COQ8A: variants seen among roughly 807,000 people sequenced by gnomAD.
COQ8A encodes the protein coenzyme Q8A.
A neutral mutation model predicts 65.0 loss-of-function variants in COQ8A; 51 were observed. The observed-to-expected ratio is 0.78, with a 90% CI of 0.63 to 0.99. COQ8A has a LOEUF of 0.99. Ranked by LOEUF, COQ8A falls within the 50% of genes least tolerant of loss-of-function variation. The pLI is 0.00. For missense variants in COQ8A, 940 were observed against 875.0 expected (o/e 1.07, Z -0.94); for synonymous variants, 371 against 353.2 (o/e 1.05, Z -0.57).
At chr1:226,980,423 G>A (rs1005210908) in intron 5 of COQ8A, among the ~76,000 whole-genome samples, 2 of 152,232 alleles carry the variant, frequency 1.3e-5, no homozygotes, top group Non-Finnish European at 2.9e-5. Context: ...GAGACAGACT[G>A]TCCCTCCTCT....
intron 1 of COQ8A, among the ~76,000 whole-genome samples, chr1:226,944,578 G>A (rs567324880): frequency 2.4e-4 from 37 of 151,802 alleles, no homozygotes; most frequent in African/African-American, 8.5e-4. Flanking sequence ...CCCATTTCTG[G>A]AGTAACAAAG....
In COQ8A at chr1:226,987,377, G is replaced by C. The variant is rs981893586; in HGVS notation, c.*640G>C. On this transcript the variant is annotated 3_prime_UTR_variant, in exon 15 of 15. Transcript: ENST00000366777. ...AACAGGGAATGCCAGACACAGGCTCGCTGCTGCTGGAAGGCGGGGTGGGAC... is the reference window on the plus strand; with the variant it reads ...AACAGGGAATGCCAGACACAGGCTCCCTGCTGCTGGAAGGCGGGGTGGGAC... 2 of 152,960 alleles carry C rather than the reference G, an allele frequency of 1.3e-5. No homozygotes were observed. Among genetic ancestry groups the C allele is most frequent in the African/African-American group, 4.8e-5 (2 of 41,456 alleles). The allele number at this position is 152,960 out of a possible 1,614,324, so 9.5% of individuals were successfully genotyped here.
At position 226,986,546 on chromosome 1, in the gene COQ8A, GAGA is replaced by G; in HGVS notation, c.1757_1759del (p.Lys586del). The G allele has an allele frequency of 6.2e-7, 1 of 1,613,938 alleles. No homozygotes were observed. The highest frequency in any genetic ancestry group is 1.6e-4 in the Middle Eastern group (1 of 6,062). ...TGATTTTGGCACTCAGAGCACCACC[GAGA>G]AGATCCACAACCTGATTCCCGTCAT... On this transcript the variant is annotated inframe_deletion, in exon 15 of 15. Transcript: ENST00000366777.
In COQ8A at chr1:226,984,571, G is replaced by A. The variant is rs202132812; in HGVS notation, c.1422G>A (p.Leu474=). The part of the protein sequence containing the change: ...RNEICYNILV[L]CLRELFEFHF... ...AGATCTGCTACAACATCCTGGTTCT[G>A]TGCCTGAGGGAGCTGTTCGAGTTCC... Residue 474 remains leucine (L), a synonymous_variant, in exon 12 of 15, where the codon CTG becomes CTA. Coordinates refer to ENST00000366777, the MANE Select transcript of COQ8A (RefSeq NM_020247.5). 3 of 1,613,966 alleles carry A rather than the reference G, an allele frequency of 1.9e-6. No homozygotes were observed. Among genetic ancestry groups the A allele is most frequent in the Middle Eastern group, 1.6e-4 (1 of 6,084 alleles).
At chr1:226,984,028 T>C in intron 10 of COQ8A, 66 bp from the exon 11 acceptor site, 3 of 1,390,140 alleles carry the variant, frequency 2.2e-6, no homozygotes, top group Non-Finnish European at 2.9e-6. Context: ...GGTTGGGGGG[T>C]GTGTGTGGGG....
chr1:226,986,240 C>T (rs1019014987), intron 14 of COQ8A, among the ~76,000 whole-genome samples: 6 of 152,284 alleles, frequency 3.9e-5, no homozygotes, highest in Middle Eastern at 3.4e-3. Context: ...CCACAGGCCC[C>T]GCCACTCCCT....
At chr1:226,961,356 A>C (rs1658240643) in intron 1 of COQ8A, 21 bp from the exon 2 acceptor site, 1 of 1,613,078 alleles carries the variant, frequency 6.2e-7, no homozygotes, top group East Asian at 2.2e-5. Flanking sequence ...GCCTCCCCTG[A>C]CTTGGCCTCC....
chr1:226,983,745 C>G lies in COQ8A; in HGVS notation c.1163-16C>G. The G allele has an allele frequency of 6.2e-7, 1 of 1,613,110 alleles. No homozygotes were observed. Among genetic ancestry groups the G allele is most frequent in the East Asian group, 2.2e-5 (1 of 44,874 alleles). ...CAGAGCCCCCTTCCTCGCTGATGCC[C>G]TCCTCCCTGGCCCAGGCCTGTTCCC... is the stretch of plus-strand genomic sequence containing the variant. On this transcript the variant is annotated splice_polypyrimidine_tract_variant and intron_variant, in intron 9 of 14. Transcript: ENST00000366777.
rs149364914 is a variant in COQ8A, at chr1:226,984,215, A to C, written c.1378A>C (p.Ser460Arg). 1 of 1,613,786 alleles carries C rather than the reference A, an allele frequency of 6.2e-7. No individual in the cohort carries two copies. The highest frequency in any genetic ancestry group is 1.1e-5 in the South Asian group (1 of 91,088). The change falls in exon 11 of 15, where the codon AGC becomes CGC. Residue 460 changes from serine (S) to arginine (R), a missense_variant. Transcript: ENST00000366777. The stretch of plus-strand genomic sequence containing the variant: ...CCCCCTGGACCAGGCCGAAGGGCTC[A>C]GCCAGGAGATTCGGAACGAGGTTTG... ...GFPLDQAEGL[S>R]QEIRNEICYN...
At chr1:226,985,721 G>C (rs930668819) in intron 14 of COQ8A, among the ~76,000 whole-genome samples, 3 of 152,192 alleles carry the variant, frequency 2.0e-5, no homozygotes, top group Admixed American at 1.3e-4. Context: ...AAATAAAGGG[G>C]AACGGTCTGT....
rs1657058858 is a variant in COQ8A at position 226,946,579 on chromosome 1, C to T, written c.-10+6180C>T. Among the ~76,000 whole-genome samples the T allele has an allele frequency of 2.0e-5, 3 of 152,166 alleles. No homozygotes were observed. Among genetic ancestry groups the T allele is most frequent in the Admixed American group, 6.5e-5 (1 of 15,282 alleles). Reference sequence around the variant, plus strand: ...CTCCTGGGTCTGTGGTCCCCTTGCACCCTGCTGAGCCTCTTCTCATTTCTC... The same window carrying T: ...CTCCTGGGTCTGTGGTCCCCTTGCATCCTGCTGAGCCTCTTCTCATTTCTC... On this transcript the variant is annotated intron_variant, in intron 1 of 14. Coordinates refer to ENST00000366777, the MANE Select transcript of COQ8A (RefSeq NM_020247.5). This position sits in a 1 kb window ranked among gnomAD's most constrained non-coding sequence, Gnocchi z 5.3.
chr1:226,959,229 C>A (rs79615826), intron 1 of COQ8A, among the ~76,000 whole-genome samples: 1 of 152,086 alleles, frequency 6.6e-6, no homozygotes, highest in Non-Finnish European at 1.5e-5. Flanking sequence ...TCTGTGAGAG[C>A]GTAGACTCCC....
chr1:226,956,972 C>A (rs1572032057), intron 1 of COQ8A, among the ~76,000 whole-genome samples: 1 of 109,786 alleles, frequency 9.1e-6, no homozygotes, highest in African/African-American at 3.5e-5. Context: ...TCCCTGGCTG[C>A]CACTCTCCCT....
Position 226,949,130 on chromosome 1 carries a change from G to A in COQ8A, c.-10+8731G>A, listed in dbSNP as rs540067195. Among the ~76,000 whole-genome samples the A allele has an allele frequency of 5.3e-5, 8 of 152,002 alleles. No homozygotes were observed. The highest frequency in any genetic ancestry group is 2.1e-4 in the South Asian group (1 of 4,760). On this transcript the variant is annotated intron_variant, in intron 1 of 14. Coordinates refer to ENST00000366777, the MANE Select transcript of COQ8A (RefSeq NM_020247.5). This position sits in a 1 kb window ranked among gnomAD's most constrained non-coding sequence, Gnocchi z 4.0. ...TTCAGACGTACAGAGATGAAGGGGC[G>A]AGCGGGCCTGCCTGAGAAAGTAGGA...
chr1:226,946,473 G>C lies in COQ8A; in HGVS notation c.-10+6074G>C, dbSNP rs1341164424. Among the ~76,000 whole-genome samples, 1 of 152,168 alleles carries C rather than the reference G, an allele frequency of 6.6e-6. No individual in the cohort carries two copies. Among genetic ancestry groups the C allele is most frequent in the Non-Finnish European group, 1.5e-5 (1 of 68,016 alleles). Reference sequence around the variant, plus strand: ...TCTAGCGAGAGGTATCGCTGCAGAGGTGTCTGGGGCTCCACAGTGAAGGGC... The same window carrying C: ...TCTAGCGAGAGGTATCGCTGCAGAGCTGTCTGGGGCTCCACAGTGAAGGGC... On this transcript the variant is annotated intron_variant, in intron 1 of 14. Transcript: ENST00000366777. This position sits in a 1 kb window ranked among gnomAD's most constrained non-coding sequence, Gnocchi z 5.3.
intron 6 of COQ8A, 52 bp downstream of exon 6, chr1:226,982,201 G>A: frequency 6.5e-7 from 1 of 1,540,870 alleles, no homozygotes; most frequent in Non-Finnish European, 8.8e-7. Context: ...TGCTGGGGGG[G>A]TCAACTTCCA....
intron 1 of COQ8A, among the ~76,000 whole-genome samples, chr1:226,952,299 C>T (rs1055583284): frequency 6.6e-6 from 1 of 152,070 alleles, no homozygotes; most frequent in African/African-American, 2.4e-5. Flanking sequence ...GCTGCCTAAC[C>T]CTTGCCCGTT....
intron 1 of COQ8A, among the ~76,000 whole-genome samples, chr1:226,960,660 T>G (rs1364895518): frequency 6.6e-6 from 1 of 151,716 alleles, no homozygotes; most frequent in African/African-American, 2.4e-5. Context: ...TTGGTGGTGG[T>G]GGTGGTTGTT....
intron 4 of COQ8A, 101 bp downstream of exon 4, chr1:226,965,838 C>T (rs1658537636): frequency 8.2e-6 from 11 of 1,335,888 alleles, no homozygotes; most frequent in East Asian, 2.4e-5. Flanking sequence ...CCGGGGAGGG[C>T]GTTGGGGGAG....
Sources: gnomAD v4.1 joint callset for allele counts (sites outside exome capture counted in the v4.1 genomes callset) on GRCh38, gnomAD v4.1.1 for gene constraint, Gnocchi (gnomAD v3.1) non-coding constraint, MANE v1.5 for transcripts, NCBI Gene and HGNC (gene_info 2026-07-23, HGNC 2026-07-21) for gene names.